Variants in OR51B5 observed in about 807,000 individuals in gnomAD.
OR51B5 encodes the protein olfactory receptor 51B5.
For synonymous variants in OR51B5, 186 were observed against 144.8 expected, an observed-to-expected ratio of 1.28 and a Z score of -2.04; for missense variants, 456 against 374.6, an observed-to-expected ratio of 1.22 and a Z score of -1.79.
chr11:5,471,699 G>C (rs941596078), intron 1 of OR51B5, among the ~76,000 whole-genome samples: 2 of 150,874 alleles, frequency 1.3e-5, no homozygotes, highest in Non-Finnish European at 3.0e-5. Context: ...ATTAACATAA[G>C]AGCTACATGT....
intron 1 of OR51B5, among the ~76,000 whole-genome samples, chr11:5,348,927 G>A (rs890309745): frequency 6.6e-6 from 1 of 152,136 alleles, no homozygotes; most frequent in Non-Finnish European, 1.5e-5. Context: ...AGACAGAAAA[G>A]AGTGTCAGGA....
intron 1 of OR51B5, among the ~76,000 whole-genome samples, chr11:5,376,490 C>G (rs1375713725): frequency 6.6e-6 from 1 of 151,996 alleles, no homozygotes; most frequent in South Asian, 2.1e-4. Flanking sequence ...AACAGAGACA[C>G]AAAAAACCCT....
intron 1 of OR51B5, chr11:5,454,130 C>G (rs759540141): frequency 1.7e-5 from 27 of 1,614,146 alleles, no homozygotes; most frequent in Non-Finnish European, 2.3e-5. Flanking sequence ...TGTTTTTTAT[C>G]TTCCTCTCCT....
chr11:5,450,473 G>T (rs1850827766), intron 1 of OR51B5, among the ~76,000 whole-genome samples: 1 of 152,122 alleles, frequency 6.6e-6, no homozygotes, highest in African/African-American at 2.4e-5. Flanking sequence ...CGCTTATATA[G>T]CCAGTACCTT....
intron 1 of OR51B5, among the ~76,000 whole-genome samples, chr11:5,490,713 C>T (rs1324942812): frequency 6.6e-6 from 1 of 152,126 alleles, no homozygotes; most frequent in African/African-American, 2.4e-5. Flanking sequence ...ATATCTCATA[C>T]ACTGTCCAGT....
At chr11:5,390,224 T>C in intron 1 of OR51B5, 1 of 1,614,016 alleles carries the variant, frequency 6.2e-7, no homozygotes, top group African/African-American at 1.3e-5. Context: ...GGTGCACCGT[T>C]TTGGGAAGCA....
chr11:5,503,159 G>A (rs1226487159), intron 1 of OR51B5, among the ~76,000 whole-genome samples: 1 of 152,104 alleles, frequency 6.6e-6, no homozygotes, highest in Non-Finnish European at 1.5e-5. Flanking sequence ...CCTATCTTAT[G>A]TACAACTTAC....
At chr11:5,420,147 C>T (rs533059658) in intron 1 of OR51B5, among the ~76,000 whole-genome samples, 57 of 151,714 alleles carry the variant, frequency 3.8e-4, no homozygotes, top group Admixed American at 1.1e-3. Context: ...AGGTTTTATC[C>T]TTATTTAAAA....
At chr11:5,356,297 G>A (rs560296201) in intron 1 of OR51B5, among the ~76,000 whole-genome samples, 2 of 152,110 alleles carry the variant, frequency 1.3e-5, no homozygotes, top group East Asian at 1.9e-4. Flanking sequence ...TGATGGAGCT[G>A]AAAACCAAGG....
chr11:5,413,022 C>A (rs12575881), intron 1 of OR51B5, among the ~76,000 whole-genome samples: 5,735 of 105,842 alleles, frequency 0.054, 515 homozygotes, highest in East Asian at 0.45. Context: ...AGCAGCCTTA[C>A]TGGGAGGCAC....
intron 1 of OR51B5, chr11:5,390,867 C>T (rs1421631655): frequency 1.3e-5 from 2 of 155,072 alleles, no homozygotes; most frequent in Non-Finnish European, 2.9e-5. Flanking sequence ...AACTTTCAGA[C>T]CCCCAAGTCA....
chr11:5,425,591 T>C (rs7107806), intron 1 of OR51B5, among the ~76,000 whole-genome samples: 2,879 of 152,278 alleles, frequency 0.019, 104 homozygotes, highest in African/African-American at 0.065. Context: ...TTGAAATAGA[T>C]TTCATTTTTG....
At chr11:5,398,146 A>G (rs1293296198) in intron 1 of OR51B5, among the ~76,000 whole-genome samples, 2 of 152,124 alleles carry the variant, frequency 1.3e-5, no homozygotes, top group Admixed American at 6.6e-5. Flanking sequence ...GCACATGTAT[A>G]CATATGTAAC....
chr11:5,454,345 T>C, intron 1 of OR51B5: 1 of 1,614,126 alleles, frequency 6.2e-7, no homozygotes, highest in Non-Finnish European at 8.5e-7. Context: ...GTGCCTCCTG[T>C]GCTCAACCCT....
intron 1 of OR51B5, among the ~76,000 whole-genome samples, chr11:5,491,328 C>T (rs1851578065): frequency 6.6e-6 from 1 of 152,204 alleles, no homozygotes; most frequent in Non-Finnish European, 1.5e-5. Context: ...ATCACAAGTT[C>T]ATGGGTAAGA....
At chr11:5,371,725 T>C (rs1849451178) in intron 1 of OR51B5, among the ~76,000 whole-genome samples, 1 of 152,160 alleles carries the variant, frequency 6.6e-6, no homozygotes, top group African/African-American at 2.4e-5. Flanking sequence ...TATCCATCAA[T>C]ACAACACCTT....
intron 1 of OR51B5, among the ~76,000 whole-genome samples, chr11:5,373,522 G>A (rs1161420508): frequency 6.6e-6 from 1 of 152,166 alleles, no homozygotes; most frequent in African/African-American, 2.4e-5. Flanking sequence ...GAAGCAGGGT[G>A]AGGCATTGCC....
intron 1 of OR51B5, chr11:5,423,232 T>TA: frequency 7.0e-7 from 1 of 1,427,420 alleles, no homozygotes; most frequent in Non-Finnish European, 9.2e-7. Context: ...TAGGAAACTA[T>TA]AAAATAAAAC....
intron 1 of OR51B5, chr11:5,441,608 T>G (rs909241231): frequency 2.1e-6 from 2 of 950,160 alleles, no homozygotes; most frequent in African/African-American, 3.3e-5. Context: ...CAAAAGGTCA[T>G]AGATTGAAAA....
Sources: gnomAD v4.1 joint callset for allele counts (sites outside exome capture counted in the v4.1 genomes callset) on GRCh38, gnomAD v4.1.1 for gene constraint, MANE v1.5 for transcripts, NCBI Gene and HGNC (gene_info 2026-07-23, HGNC 2026-07-21) for gene names.